The following ANKRD13C variants were observed in gnomAD, a reference collection of about 807,000 sequenced individuals.
The protein encoded by ANKRD13C is ankyrin repeat domain 13C.
A neutral mutation model predicts 65.5 loss-of-function variants in ANKRD13C; 16 were observed. The ratio of observed to expected loss-of-function variants is 0.24; its 90% CI spans 0.17 to 0.37. The LOEUF is 0.37. Among genes scored for constraint, ANKRD13C ranks in the 10% least tolerant of loss-of-function variants. The pLI is 1.00. For missense variants in ANKRD13C, 503 were observed against 655.9 expected (o/e 0.77, Z 2.55); for synonymous variants, 235 against 238.7 (o/e 0.98, Z 0.14).
At chr1:70,273,674 C>A (rs1442516045) in intron 11 of ANKRD13C, among the ~76,000 whole-genome samples, 1 of 146,282 alleles carries the variant, frequency 6.8e-6, no homozygotes, top group Non-Finnish European at 1.5e-5. Context: ...TTTCTTTTTT[C>A]TTTTTTTTTT....
chr1:70,282,054 CTTTT>C (rs1228023912), intron 9 of ANKRD13C, among the ~76,000 whole-genome samples: 2 of 132,004 alleles, frequency 1.5e-5, no homozygotes, highest in African/African-American at 2.9e-5. Context: ...TACATATCAT[CTTTT>C]TTTTTTTTTT....
chr1:70,325,232 AT>A (rs1409316600), intron 2 of ANKRD13C, among the ~76,000 whole-genome samples: 1 of 152,088 alleles, frequency 6.6e-6, no homozygotes, highest in Non-Finnish European at 1.5e-5. Flanking sequence ...TTCCAAGAGT[AT>A]TTTTTTAATG....
At chr1:70,282,227 TG>T (rs1442832035) in intron 9 of ANKRD13C, among the ~76,000 whole-genome samples, 1 of 151,498 alleles carries the variant, frequency 6.6e-6, no homozygotes, top group Non-Finnish European at 1.5e-5. Context: ...GCTAATTTTT[TG>T]TATTTTTTAG....
At chr1:70,320,814 G>C (rs1681275551) in intron 3 of ANKRD13C, among the ~76,000 whole-genome samples, 1 of 150,792 alleles carries the variant, frequency 6.6e-6, no homozygotes, top group Non-Finnish European at 1.5e-5. Flanking sequence ...TTTTTAGACA[G>C]GGTCTCACTC....
intron 6 of ANKRD13C, among the ~76,000 whole-genome samples, chr1:70,302,213 G>A (rs552261414): frequency 6.6e-6 from 1 of 151,874 alleles, no homozygotes; most frequent in African/African-American, 2.4e-5. Flanking sequence ...AATTCTGCCA[G>A]GAAAACAGGG....
chr1:70,290,510 A>G (rs114265606), intron 9 of ANKRD13C, among the ~76,000 whole-genome samples: 305 of 151,700 alleles, frequency 2.0e-3, no homozygotes, highest in African/African-American at 6.8e-3. Context: ...AATGACTCTC[A>G]GTATGTGTAA....
At chr1:70,348,556 C>T (rs1386075839) in intron 1 of ANKRD13C, among the ~76,000 whole-genome samples, 2 of 152,202 alleles carry the variant, frequency 1.3e-5, no homozygotes, top group African/African-American at 4.8e-5. Flanking sequence ...CGTGGTGAGC[C>T]ACCATGCCCA....
chr1:70,277,314 C>A (rs180778164), intron 9 of ANKRD13C, among the ~76,000 whole-genome samples: 2 of 151,814 alleles, frequency 1.3e-5, no homozygotes, highest in Admixed American at 1.3e-4. Flanking sequence ...AAGAATTATC[C>A]GGGCGTGATG....
intron 6 of ANKRD13C, among the ~76,000 whole-genome samples, chr1:70,302,549 A>AC (rs1195803802): frequency 1.7e-5 from 2 of 118,498 alleles, no homozygotes; most frequent in Non-Finnish European, 3.4e-5. Context: ...AAACGGTGAA[A>AC]CCCCGTCTCT....
rs1356906695 is a variant in ANKRD13C, at chr1:70,262,957, A to AG, written c.1496-111_1496-110insC. The AG allele has an allele frequency of 3.3e-6, 3 of 908,134 alleles. No homozygotes were observed. The East Asian group carries it at 1.0e-4, about 31-fold the overall frequency. The allele number at this position is 908,134 out of a possible 1,614,324, so 56.3% of individuals were successfully genotyped here. A position where few individuals can be genotyped will look rare whatever the true frequency, so the allele number is the denominator to read the frequency against. On this transcript the variant is annotated intron_variant, in intron 12 of 12. Transcript: ENST00000370944. ...TCCTTAAAATGTAAAAAAAAAAAAA[A>AG]AAATACTCAAGAACCAGAAGAATTC...
chr1:70,284,958 T>TTA, intron 9 of ANKRD13C, among the ~76,000 whole-genome samples: 1 of 152,156 alleles, frequency 6.6e-6, no homozygotes, highest in Non-Finnish European at 1.5e-5. Flanking sequence ...GAAATTGAGC[T>TTA]TATGGCACTC....
chr1:70,330,970 T>C (rs541900199), intron 2 of ANKRD13C, among the ~76,000 whole-genome samples: 33 of 152,260 alleles, frequency 2.2e-4, no homozygotes, highest in African/African-American at 7.9e-4. Flanking sequence ...CTAATATTAG[T>C]CAATGGACTC....
chr1:70,281,396 CTTT>C (rs71583111), intron 9 of ANKRD13C, among the ~76,000 whole-genome samples: 11 of 85,356 alleles, frequency 1.3e-4, no homozygotes, highest in Middle Eastern at 0.011. Context: ...TGACTAAATT[CTTT>C]TTTTTTTTTT....
At chr1:70,340,310 A>C (rs760634915) in intron 1 of ANKRD13C, among the ~76,000 whole-genome samples, 7 of 152,134 alleles carry the variant, frequency 4.6e-5, no homozygotes, top group Non-Finnish European at 8.8e-5. Flanking sequence ...TAATTTCTTA[A>C]AACAGATTTG....
At chr1:70,291,723 C>A (rs1422662215) in intron 9 of ANKRD13C, among the ~76,000 whole-genome samples, 1 of 152,204 alleles carries the variant, frequency 6.6e-6, no homozygotes, top group Non-Finnish European at 1.5e-5. Flanking sequence ...AGAAGAATCG[C>A]TTGAACCTGG....
intron 5 of ANKRD13C, among the ~76,000 whole-genome samples, chr1:70,313,156 T>G (rs1044304408): frequency 1.3e-5 from 2 of 152,206 alleles, no homozygotes. Context: ...GAAAACTCCT[T>G]GCATTCTATT....
intron 11 of ANKRD13C, among the ~76,000 whole-genome samples, chr1:70,273,805 T>C (rs890058263): frequency 1.3e-5 from 2 of 152,018 alleles, no homozygotes; most frequent in Non-Finnish European, 2.9e-5. Context: ...TAGAGGCACA[T>C]GCCATATGCC....
chr1:70,349,165 CTT>C (rs1313010319), intron 1 of ANKRD13C, among the ~76,000 whole-genome samples: 1 of 152,168 alleles, frequency 6.6e-6, no homozygotes, highest in Admixed American at 6.5e-5. Flanking sequence ...TAAAAAATGT[CTT>C]GTCATCATGA....
chr1:70,322,718 C>A (rs569110702), intron 3 of ANKRD13C, among the ~76,000 whole-genome samples: 1 of 152,094 alleles, frequency 6.6e-6, no homozygotes, highest in African/African-American at 2.4e-5. Flanking sequence ...TGAGGCCGGG[C>A]GCAGTGGCTC....
Sources: allele counts gnomAD v4.1 joint callset (sites outside exome capture counted in the v4.1 genomes callset), GRCh38; gene constraint gnomAD v4.1.1; transcripts MANE v1.5; gene names NCBI Gene and HGNC (gene_info 2026-07-23, HGNC 2026-07-21).